NME7: variants seen among roughly 807,000 people sequenced by gnomAD.
NME7 encodes NME/NM23 family member 7.
NME7 carries 41 observed loss-of-function variants against 49.1 expected under a neutral mutation model. That is an observed-to-expected ratio of 0.83 (90% CI 0.65 to 1.08). The LOEUF is 1.08. Among genes scored for constraint, NME7 ranks in the 50% least tolerant of loss-of-function variants. The pLI is 0.00. For missense variants in NME7, 423 were observed against 463.4 expected (o/e 0.91, Z 0.80); for synonymous variants, 139 against 150.6 (o/e 0.92, Z 0.56).
intron 10 of NME7, among the ~76,000 whole-genome samples, chr1:169,192,711 G>A (rs1326566885): frequency 6.6e-6 from 1 of 152,114 alleles, no homozygotes; most frequent in Non-Finnish European, 1.5e-5. Context: ...TTATTGTGTG[G>A]AGAAAAACTA....
intron 10 of NME7, among the ~76,000 whole-genome samples, chr1:169,170,341 A>G (rs1211801369): frequency 6.6e-6 from 1 of 152,158 alleles, no homozygotes. Context: ...TGAAAGTGGA[A>G]ATCAGAAAGA....
At chr1:169,292,995 G>A (rs1166068234) in intron 6 of NME7, among the ~76,000 whole-genome samples, 1 of 152,028 alleles carries the variant, frequency 6.6e-6, no homozygotes, top group Non-Finnish European at 1.5e-5. Flanking sequence ...GAATACTTTG[G>A]TAAATTATAA....
chr1:169,233,971 T>C (rs1647752089), intron 9 of NME7, among the ~76,000 whole-genome samples: 1 of 151,916 alleles, frequency 6.6e-6, no homozygotes. Context: ...CCTTCCTTTT[T>C]TCTTTCTTTG....
chr1:169,148,165 G>C (rs1053510526), intron 11 of NME7, among the ~76,000 whole-genome samples: 2 of 152,002 alleles, frequency 1.3e-5, no homozygotes, highest in Non-Finnish European at 1.5e-5. Context: ...ACCACACCTG[G>C]CTAATTTTTG....
intron 1 of NME7, among the ~76,000 whole-genome samples, chr1:169,333,524 A>C (rs1652341254): frequency 6.6e-6 from 1 of 152,196 alleles, no homozygotes; most frequent in African/African-American, 2.4e-5. Flanking sequence ...CAAAAGGATA[A>C]ATGCTTGAGG....
chr1:169,204,966 A>G (rs889993320), intron 10 of NME7, among the ~76,000 whole-genome samples: 1 of 152,094 alleles, frequency 6.6e-6, no homozygotes, highest in East Asian at 1.9e-4. Context: ...CCAACATCTC[A>G]TACTGAAAAC....
At chr1:169,290,595 T>C (rs1244700527) in intron 6 of NME7, among the ~76,000 whole-genome samples, 1 of 152,150 alleles carries the variant, frequency 6.6e-6, no homozygotes, top group East Asian at 1.9e-4. Context: ...ATTCAGGATA[T>C]AGGCATAGGC....
Position 169,132,545 on chromosome 1 carries a change from A to ATCTT in NME7, c.*236_*239dup. ...ACCAAAGTCACTTGTTTGAAAATAA[A>ATCTT]TCTTTATTTTGAACTTTATAAAAAG... On this transcript the variant is annotated 3_prime_UTR_variant, in exon 12 of 12. Coordinates refer to ENST00000367811, the MANE Select transcript of NME7 (RefSeq NM_013330.5). The ATCTT allele has an allele frequency of 2.3e-6, 1 of 432,380 alleles. No homozygotes were observed. Among genetic ancestry groups the ATCTT allele is most frequent in the Non-Finnish European group, 4.1e-6 (1 of 246,364 alleles). 26.8% of individuals were successfully genotyped at this position (432,380 alleles called of 1,614,324 possible). A position where few individuals can be genotyped will look rare whatever the true frequency, so the allele number is the denominator to read the frequency against.
intron 3 of NME7, among the ~76,000 whole-genome samples, chr1:169,318,524 T>C (rs764041955): frequency 6.6e-6 from 1 of 152,220 alleles, no homozygotes; most frequent in Non-Finnish European, 1.5e-5. Flanking sequence ...TTTGTAAGTA[T>C]GTAATTAGGT....
intron 5 of NME7, among the ~76,000 whole-genome samples, chr1:169,300,272 C>T (rs1650887693): frequency 6.6e-6 from 1 of 151,936 alleles, no homozygotes; most frequent in Admixed American, 6.6e-5. Context: ...AGATAATTTC[C>T]ACCAATTTTC....
At chr1:169,233,788 T>C (rs1647740848) in intron 9 of NME7, among the ~76,000 whole-genome samples, 1 of 152,166 alleles carries the variant, frequency 6.6e-6, no homozygotes, top group Non-Finnish European at 1.5e-5. Context: ...AAGTACTGCC[T>C]ACACACAAAT....
intron 1 of NME7, among the ~76,000 whole-genome samples, chr1:169,349,519 A>G: frequency 6.6e-6 from 1 of 152,346 alleles, no homozygotes; most frequent in South Asian, 2.1e-4. Context: ...GCTTTCTAAC[A>G]TCTAACAAAT....
At chr1:169,154,353 C>A (rs78554830) in intron 11 of NME7, among the ~76,000 whole-genome samples, 142 of 151,998 alleles carry the variant, frequency 9.3e-4, no homozygotes, top group South Asian at 4.0e-3. Context: ...GAAATGACTG[C>A]GGATTCATAT....
chr1:169,197,986 A>AGTTAT (rs1260604007), intron 10 of NME7, among the ~76,000 whole-genome samples: 2 of 152,116 alleles, frequency 1.3e-5, no homozygotes, highest in Non-Finnish European at 2.9e-5. Flanking sequence ...ACTTTTATTG[A>AGTTAT]TAACATATAA....
intron 7 of NME7, among the ~76,000 whole-genome samples, chr1:169,275,792 T>G (rs1649693784): frequency 7.5e-6 from 1 of 133,664 alleles, no homozygotes; most frequent in South Asian, 2.3e-4. Flanking sequence ...TTCCAGTTTT[T>G]GCCCATTCAG....
intron 11 of NME7, among the ~76,000 whole-genome samples, chr1:169,139,962 G>A (rs1179090342): frequency 6.6e-6 from 1 of 152,116 alleles, no homozygotes; most frequent in African/African-American, 2.4e-5. Context: ...AAAAAATGAA[G>A]GTCTGTACCT....
At chr1:169,137,809 A>C (rs534924459) in intron 11 of NME7, among the ~76,000 whole-genome samples, 1 of 152,234 alleles carries the variant, frequency 6.6e-6, no homozygotes, top group Non-Finnish European at 1.5e-5. Context: ...CAGAGGAAAC[A>C]TTCAAACCTT....
chr1:169,258,451 C>G (rs182723391), intron 7 of NME7, among the ~76,000 whole-genome samples: 1 of 121,500 alleles, frequency 8.2e-6, no homozygotes, highest in African/African-American at 2.8e-5. Flanking sequence ...TCTTCTCATT[C>G]TCAAAGTTAG....
chr1:169,178,431 T>C (rs1270081367), intron 10 of NME7, among the ~76,000 whole-genome samples: 2 of 152,108 alleles, frequency 1.3e-5, no homozygotes, highest in South Asian at 2.1e-4. Context: ...GCAGACTCAA[T>C]GCCTAAGTCA....
Sources: gnomAD v4.1 joint callset for allele counts (sites outside exome capture counted in the v4.1 genomes callset) on GRCh38, gnomAD v4.1.1 for gene constraint, MANE v1.5 for transcripts, NCBI Gene and HGNC (gene_info 2026-07-23, HGNC 2026-07-21) for gene names.